The following KLHL11 variants were observed in gnomAD, a reference collection of about 807,000 sequenced individuals.
KLHL11 encodes the protein kelch-like protein 11.
In KLHL11, 26 loss-of-function variants were observed where a neutral mutation model predicts 56.1. The observed-to-expected ratio is 0.46, with a 90% confidence interval of 0.34 to 0.64. The LOEUF is 0.64. Among genes scored for constraint, KLHL11 ranks in the 30% least tolerant of loss-of-function variants. The pLI, the probability that KLHL11 is intolerant of heterozygous loss-of-function variation, is 0.01. For missense variants in KLHL11, 627 were observed against 919.4 expected, an observed-to-expected ratio of 0.68 and a Z score of 4.11; for synonymous variants, 338 against 345.8, an observed-to-expected ratio of 0.98 and a Z score of 0.25.
chr17:41,865,292 C>G lies in KLHL11; in HGVS notation c.79G>C (p.Glu27Gln). Reference protein sequence around the residue: ...SLQVLEMESMETAAAGSAGLA... With the variant: ...SLQVLEMESMQTAAAGSAGLA... ...CCTGCCGAGCCGGCGGCGGCCGTCTCCATGCTCTCCATCTCCAGTACCTGA... is the reference window on the plus strand; with the variant it reads ...CCTGCCGAGCCGGCGGCGGCCGTCTGCATGCTCTCCATCTCCAGTACCTGA... The change falls in exon 1 of 2, where the codon GAG becomes CAG. Residue 27 changes from glutamate to glutamine, a missense_variant. Glu to Gln is a conservative substitution (Grantham distance 29). Around this residue, in one of 4 missense-constraint regions of KLHL11, gnomAD observed 121 missense variants for 116.2 expected, o/e 1.04. Transcript: ENST00000319121. 6.4e-7 allele frequency: 1 copy of G among 1,566,244 alleles called. No individual in the cohort carries two copies. The highest frequency in any genetic ancestry group is 8.6e-7 in the Non-Finnish European group (1 of 1,165,120).
chr17:41,850,933 A>G lies in KLHL11; in HGVS notation c.*2807T>C, dbSNP rs2048328813. ...TTTAAAAATTTCAAGTTCTTAGTAT[A>G]GAGCCCAAGACCTACAACTTGCAGC... On this transcript the variant is annotated 3_prime_UTR_variant, in exon 2 of 2. Transcript: ENST00000319121. The G allele has an allele frequency of 6.6e-6, 1 of 152,230 alleles. No homozygotes were observed. The highest frequency in any genetic ancestry group is 6.5e-5 in the Admixed American group (1 of 15,284). The allele number at this position is 152,230 out of a possible 1,614,324, so 9.4% of individuals were successfully genotyped here.
At chr17:41,860,468 T>G (rs1410309052) in intron 1 of KLHL11, among the ~76,000 whole-genome samples, 1 of 152,078 alleles carries the variant, frequency 6.6e-6, no homozygotes, top group Non-Finnish European at 1.5e-5. Context: ...TGCAGGGCAC[T>G]TTGAACAGTG....
intron 1 of KLHL11, among the ~76,000 whole-genome samples, chr17:41,855,579 A>C (rs191580637): frequency 2.0e-5 from 3 of 152,188 alleles, no homozygotes; most frequent in African/African-American, 7.2e-5. Context: ...CATATTGGCC[A>C]GGCTGGTCTC....
rs1261879918 is a variant in KLHL11 at position 41,852,684 on chromosome 17, G to A, written c.*1056C>T. Among the ~76,000 whole-genome samples the A allele has an allele frequency of 6.6e-6, 1 of 151,476 alleles. No individual in the cohort carries two copies. The highest frequency in any genetic ancestry group is 2.1e-4 in the South Asian group (1 of 4,790). On this transcript the variant is annotated 3_prime_UTR_variant, in exon 2 of 2. Transcript: ENST00000319121. The stretch of plus-strand genomic sequence containing the variant: ...TGGGTACCTGTAATCCCAGCTACTC[G>A]GGATGCTGAGGCAAGAGAATCACTC...
Position 41,854,088 on chromosome 17 carries a change from A to G in KLHL11, c.1779T>C (p.Pro593=), listed in dbSNP as rs1555622232. The G allele has an allele frequency of 6.2e-7, 1 of 1,614,068 alleles. No homozygotes were observed. Among genetic ancestry groups the G allele is most frequent in the African/African-American group, 1.3e-5 (1 of 74,926 alleles). Residue 593 remains proline, a synonymous_variant, in exon 2 of 2, where the codon CCT becomes CCC. Transcript: ENST00000319121. The surrounding 1 kb of genome is among the most constrained non-coding windows in gnomAD (Gnocchi z 4.9). ...QVSDEILESL[P]PEVLSIEGAA... is the part of the protein sequence containing the mutation. ...CTCCTTCGATGCTTAGGACTTCTGG[A>G]GGCAAGCTTTCAAGGATCTCATCAG...
chr17:41,857,193 C>T (rs1555622634), intron 1 of KLHL11, among the ~76,000 whole-genome samples: 2 of 151,396 alleles, frequency 1.3e-5, no homozygotes, highest in African/African-American at 4.9e-5. Context: ...GGCAACATAG[C>T]AAGACTGTCT....
At position 41,854,484 on chromosome 17, in the gene KLHL11, A is replaced by G. The variant is rs17853295; in HGVS notation, c.1383T>C (p.His461=). 1 of 1,614,232 alleles carries G rather than the reference A, an allele frequency of 6.2e-7. No individual in the cohort carries two copies. The highest frequency in any genetic ancestry group is 8.5e-7 in the Non-Finnish European group (1 of 1,180,032). The change falls in exon 2 of 2, where the codon CAT becomes CAC. Residue 461 remains histidine (H), a synonymous_variant. Coordinates refer to ENST00000319121, the MANE Select transcript of KLHL11 (RefSeq NM_018143.3). This position sits in a 1 kb window ranked among gnomAD's most constrained non-coding sequence, Gnocchi z 4.9. ...CTTTAAAACCAGGACTAAAGTTGCC[A>G]TGTCCTCCAATGCTATAGAGCTTCC... ...VKGKLYSIGG[H]GNFSPGFKDV... is the part of the protein sequence containing the mutation.
In KLHL11 at chr17:41,852,867, C is replaced by T. The variant is rs998240793; in HGVS notation, c.*873G>A. Among the ~76,000 whole-genome samples the T allele has an allele frequency of 6.6e-6, 1 of 151,736 alleles. No individual in the cohort carries two copies. Among genetic ancestry groups the T allele is most frequent in the African/African-American group, 2.4e-5 (1 of 41,294 alleles). Reference sequence around the variant, plus strand: ...AATTAAAATGGAAGGCATTGAGTGTCGATTGTCATAGGCATTATTTACACT... The same window carrying T: ...AATTAAAATGGAAGGCATTGAGTGTTGATTGTCATAGGCATTATTTACACT... On this transcript the variant is annotated 3_prime_UTR_variant, in exon 2 of 2. Coordinates refer to ENST00000319121, the MANE Select transcript of KLHL11 (RefSeq NM_018143.3).
Position 41,854,274 on chromosome 17 carries a change from AGTCTCT to A in KLHL11, c.1587_1592del (p.Glu530_Thr531del). 2 of 1,614,222 alleles carry A rather than the reference AGTCTCT, an allele frequency of 1.2e-6. No individual in the cohort carries two copies. The highest frequency in any genetic ancestry group is 1.7e-6 in the Non-Finnish European group (2 of 1,180,044). ...AAGATTCCACATCTTGCCACTGTCG[AGTCTCT>A]GTATCATAGCAAGTAATTACAGCCT... On this transcript the variant is annotated inframe_deletion, in exon 2 of 2. Coordinates refer to ENST00000319121, the MANE Select transcript of KLHL11 (RefSeq NM_018143.3). The surrounding 1 kb of genome is among the most constrained non-coding windows in gnomAD (Gnocchi z 4.9).
chr17:41,865,095 G>A lies in KLHL11; in HGVS notation c.276C>T (p.Leu92=), dbSNP rs1230138482. ...CGAAGCACAGGGTAATGTCGCAGAA[G>A]AGGCCCTGGCGCCGCTGCTCGTTCT... ...WRQNEQRRQG[L]FCDITLCFGG... The change falls in exon 1 of 2, where the codon CTC becomes CTT. Residue 92 remains leucine, a synonymous_variant. Transcript: ENST00000319121. 6.2e-7 allele frequency: 1 copy of A among 1,603,410 alleles called. No individual in the cohort carries two copies. Among genetic ancestry groups the A allele is most frequent in the Non-Finnish European group, 8.5e-7 (1 of 1,173,882 alleles).
chr17:41,864,684 G>A (rs1226167733), intron 1 of KLHL11, 142 bp downstream of exon 1: 7 of 921,000 alleles, frequency 7.6e-6, no homozygotes, highest in Non-Finnish European at 9.0e-6. Flanking sequence ...CTGCCCCCAA[G>A]CAGGCGCTCA....
Position 41,853,884 on chromosome 17 carries a change from G to T in KLHL11, c.1983C>A (p.Ile661=). The T allele has an allele frequency of 2.5e-6, 4 of 1,614,190 alleles. No individual in the cohort carries two copies. The highest frequency in any genetic ancestry group is 3.3e-5 in the Admixed American group (2 of 60,018). The change falls in exon 2 of 2, where the codon ATC becomes ATA. Residue 661 remains isoleucine, a synonymous_variant. Transcript: ENST00000319121. ...GTGTGCCATGCAAGTACCGGTATGG[G>T]ATCCTCACGTGACAAGCAGTGGCTC... ...RCRATACHVR[I]PYRYLHGTQR...
At position 41,854,916 on chromosome 17, in the gene KLHL11, A is replaced by G. The variant is rs2048355570; in HGVS notation, c.951T>C (p.Val317=). Residue 317 remains valine (V), a synonymous_variant, in exon 2 of 2, where the codon GTT becomes GTC. Coordinates refer to ENST00000319121, the MANE Select transcript of KLHL11 (RefSeq NM_018143.3). This position sits in a 1 kb window ranked among gnomAD's most constrained non-coding sequence, Gnocchi z 4.9. ...CTGCGTCAGCGACCAACTTGACACA[A>G]ACTTCATTATTGGCTACCAGCCTCT... ...KPERLVANNE[V]CVKLVADAVE... 1 of 1,614,110 alleles carries G rather than the reference A, an allele frequency of 6.2e-7. No homozygotes were observed. Among genetic ancestry groups the G allele is most frequent in the African/African-American group, 1.3e-5 (1 of 74,928 alleles).
At chr17:41,858,045 T>G (rs1482831206) in intron 1 of KLHL11, among the ~76,000 whole-genome samples, 3 of 152,062 alleles carry the variant, frequency 2.0e-5, no homozygotes, top group African/African-American at 4.8e-5. Flanking sequence ...CTCAAACTCC[T>G]GACCTCAGGT....
chr17:41,851,011 C>A lies in KLHL11; in HGVS notation c.*2729G>T, dbSNP rs1472643604. The A allele has an allele frequency of 1.3e-5, 2 of 151,608 alleles. No homozygotes were observed. Among genetic ancestry groups the A allele is most frequent in the Non-Finnish European group, 2.9e-5 (2 of 67,974 alleles). The allele number at this position is 151,608 out of a possible 1,614,324, so 9.4% of individuals were successfully genotyped here. On this transcript the variant is annotated 3_prime_UTR_variant, in exon 2 of 2. Transcript: ENST00000319121. ...TTCTCTTTTGGTATTTGATCACTAA[C>A]AAGAAGATTAACTATAATGGACTAG...
At chr17:41,862,475 T>C (rs2048410402) in intron 1 of KLHL11, among the ~76,000 whole-genome samples, 1 of 141,614 alleles carries the variant, frequency 7.1e-6, no homozygotes, top group Admixed American at 7.4e-5. Context: ...AGAGACGGGG[T>C]TTCATCATGT....
At position 41,854,500 on chromosome 17, in the gene KLHL11, T is replaced by C. The variant is rs782423015; in HGVS notation, c.1367A>G (p.Tyr456Cys). 3.7e-6 allele frequency: 6 copies of C among 1,614,112 alleles called. No individual in the cohort carries two copies. The highest frequency in any genetic ancestry group is 5.1e-6 in the Non-Finnish European group (6 of 1,180,040). Residue 456 changes from tyrosine (Y) to cysteine (C), a missense_variant, in exon 2 of 2, where the codon TAT (tyrosine) becomes TGT (cysteine). By Grantham distance (194) the Tyr-to-Cys change is radical. This residue lies in a region of KLHL11 where 250 missense variants were observed against 360.6 expected (regional missense o/e 0.69). Coordinates refer to ENST00000319121, the MANE Select transcript of KLHL11 (RefSeq NM_018143.3). This position sits in a 1 kb window ranked among gnomAD's most constrained non-coding sequence, Gnocchi z 4.9. The stretch of plus-strand genomic sequence containing the variant: ...AAAGTTGCCATGTCCTCCAATGCTA[T>C]AGAGCTTCCCTTTGACTTCTGTTAG... ...FGLTEVKGKL[Y>C]SIGGHGNFSP...
rs782269911 is a variant in KLHL11 at position 41,854,676 on chromosome 17, G to A, written c.1191C>T (p.Leu397=). 3.8e-5 allele frequency: 61 copies of A among 1,614,080 alleles called. No homozygotes were observed. In the Middle Eastern group the frequency reaches 2.6e-3, roughly 70 times the overall value. Residue 397 remains leucine (L), a synonymous_variant, in exon 2 of 2, where the codon CTC becomes CTT. Coordinates refer to ENST00000319121, the MANE Select transcript of KLHL11 (RefSeq NM_018143.3). This position sits in a 1 kb window ranked among gnomAD's most constrained non-coding sequence, Gnocchi z 4.9. ...WVNLPHIHNH[L]DGHAVAVTES... ...CTGTTACTGCAACAGCATGTCCATCGAGGTGATTATGAATATGTGGCAGAT... is the reference window on the plus strand; with the variant it reads ...CTGTTACTGCAACAGCATGTCCATCAAGGTGATTATGAATATGTGGCAGAT...
chr17:41,856,212 A>C (rs1406394712), intron 1 of KLHL11, among the ~76,000 whole-genome samples: 1 of 151,840 alleles, frequency 6.6e-6, no homozygotes, highest in African/African-American at 2.4e-5. Context: ...GCTGGTCTCG[A>C]ACTCCTGACC....
Sources: allele counts gnomAD v4.1 joint callset (sites outside exome capture counted in the v4.1 genomes callset), GRCh38; gene constraint gnomAD v4.1.1; regional missense constraint gnomAD v4.1.1; non-coding constraint Gnocchi (gnomAD v3.1); transcripts MANE v1.5; gene names NCBI Gene and HGNC (gene_info 2026-07-23, HGNC 2026-07-21).